The following IKZF4 variants were observed in gnomAD, a reference collection of about 807,000 sequenced individuals.
IKZF4 encodes the protein IKAROS family zinc finger 4, also known as zinc finger protein Eos.
A neutral mutation model predicts 47.7 loss-of-function variants in IKZF4; 11 were observed. The observed-to-expected ratio is 0.23, with a 90% CI of 0.15 to 0.38. The LOEUF is 0.38. Ranked by LOEUF, IKZF4 falls within the 10% of genes least tolerant of loss-of-function variation. The pLI is 1.00. For missense variants in IKZF4, 557 were observed against 784.9 expected (o/e 0.71, Z 3.47); for synonymous variants, 298 against 299.4 (o/e 1.00, Z 0.05).
At position 56,026,837 on chromosome 12, in the gene IKZF4, C is replaced by T; in HGVS notation, c.343C>T (p.Pro115Ser). 6.2e-7 allele frequency: 1 copy of T among 1,611,218 alleles called. No individual in the cohort carries two copies. Among genetic ancestry groups the T allele is most frequent in the Non-Finnish European group, 8.5e-7 (1 of 1,178,666 alleles). ...TGAGGAGTCAAGCAGACTGCTGGGG[C>T]CAGATGAGCGGCTCCTGGAAAAGGA... is the stretch of plus-strand genomic sequence containing the variant. Reference protein sequence around the residue: ...SDEESSRLLGPDERLLEKDDS... With the variant: ...SDEESSRLLGSDERLLEKDDS... Residue 115 changes from proline (P) to serine (S), a missense_variant, in exon 4 of 8, where the codon CCA becomes TCA. Coordinates refer to ENST00000547167, the MANE Select transcript of IKZF4 (RefSeq NM_022465.4).
chr12:56,020,089 G>C (rs932987704), upstream of IKZF4, among the ~76,000 whole-genome samples: 4 of 152,274 alleles, frequency 2.6e-5, no homozygotes, highest in African/African-American at 9.6e-5. Context: ...AAAGGCTGCA[G>C]CATGCAGCCC....
intron 1 of IKZF4, chr12:56,007,808 G>C (rs1890881585): frequency 6.6e-6 from 1 of 152,028 alleles, no homozygotes; most frequent in South Asian, 2.1e-4. Context: ...GGCCTGAGGG[G>C]CTCTGGCGTG....
intron 3 of IKZF4, among the ~76,000 whole-genome samples, chr12:56,026,142 GCCAGGC>G (rs1893945401): frequency 6.6e-6 from 1 of 152,008 alleles, no homozygotes; most frequent in Non-Finnish European, 1.5e-5. Flanking sequence ...CACCATGTTG[GCCAGGC>G]TGGTCTCAAA....
intron 1 of IKZF4, 60 bp downstream of exon 1, chr12:56,021,640 C>T: frequency 6.5e-7 from 1 of 1,549,896 alleles, no homozygotes; most frequent in Non-Finnish European, 8.7e-7. Context: ...GGCTAGGGAG[C>T]CAATTCAGTA....
chr12:56,011,069 A>G (rs970237668), intron 1 of IKZF4: 2 of 152,184 alleles, frequency 1.3e-5, no homozygotes, highest in Non-Finnish European at 2.9e-5. Context: ...ACTTCCCTGT[A>G]ATTTCAAACT....
chr12:56,029,202 G>A (rs1425179870), intron 5 of IKZF4, among the ~76,000 whole-genome samples: 1 of 152,226 alleles, frequency 6.6e-6, no homozygotes, highest in African/African-American at 2.4e-5. Flanking sequence ...AGAGGCAAGA[G>A]AAAGTCCAGA....
intron 1 of IKZF4, among the ~76,000 whole-genome samples, chr12:56,023,375 G>T (rs929613235): frequency 6.6e-6 from 1 of 152,188 alleles, no homozygotes. Context: ...TAGTTGAAAG[G>T]ATATATTTAA....
rs776962657 is a variant in IKZF4 at position 56,024,985 on chromosome 12, A to G, written c.182-69A>G. 3 of 1,550,054 alleles carry G rather than the reference A, an allele frequency of 1.9e-6. No individual in the cohort carries two copies. In the South Asian group the frequency reaches 3.6e-5, roughly 18 times the overall value. ...GTGAAATTTAACTGAATTTTTTTAAAAGATTAGGCAATGGACAGTAGATAT... is the reference window on the plus strand; with the variant it reads ...GTGAAATTTAACTGAATTTTTTTAAGAGATTAGGCAATGGACAGTAGATAT... On this transcript the variant is annotated intron_variant, in intron 2 of 7. Coordinates refer to ENST00000547167, the MANE Select transcript of IKZF4 (RefSeq NM_022465.4).
At chr12:56,033,599 C>T (rs1486598668) in intron 7 of IKZF4, among the ~76,000 whole-genome samples, 8 of 151,936 alleles carry the variant, frequency 5.3e-5, no homozygotes, top group Admixed American at 3.9e-4. Flanking sequence ...CCCAGCTACT[C>T]GGGAGGCTGA....
chr12:56,015,133 A>G (rs867657537), intron 2 of IKZF4, among the ~76,000 whole-genome samples: 13 of 151,858 alleles, frequency 8.6e-5, no homozygotes, highest in South Asian at 2.1e-4. Flanking sequence ...CTGGAGTGCA[A>G]TGGCACGATC....
At chr12:56,023,556 C>T in intron 1 of IKZF4, 115 bp from the exon 2 acceptor site, 2 of 1,253,902 alleles carry the variant, frequency 1.6e-6, no homozygotes, top group South Asian at 3.1e-5. Flanking sequence ...AGATAGTGAA[C>T]ATTTTTCCTC....
intron 3 of IKZF4, 130 bp downstream of exon 3, chr12:56,025,288 C>A: frequency 9.7e-7 from 1 of 1,028,720 alleles, no homozygotes; most frequent in Non-Finnish European, 1.4e-6. Context: ...TCTCTAAGAG[C>A]AATGAGGAGC....
chr12:56,032,552 C>T lies in IKZF4; in HGVS notation c.716-9C>T. The T allele has an allele frequency of 6.2e-7, 1 of 1,608,638 alleles. No individual in the cohort carries two copies. Among genetic ancestry groups the T allele is most frequent in the South Asian group, 1.1e-5 (1 of 90,346 alleles). ...AGCTCTGATGCCATCTTTCCACTCT[C>T]CTCCACAGTCTCCTCTCCCACAGTG... On this transcript the variant is annotated splice_polypyrimidine_tract_variant and intron_variant, in intron 5 of 7. Transcript: ENST00000547167.
Position 56,021,088 on chromosome 12 carries a change from C to T in IKZF4, c.-406C>T, listed in dbSNP as rs1406093840. On this transcript the variant is annotated 5_prime_UTR_variant, in exon 1 of 8. Coordinates refer to ENST00000547167, the MANE Select transcript of IKZF4 (RefSeq NM_022465.4). ...CATTTGTTGTGCAGTTCCTCTTTGT[C>T]TGCTGGGCACGAGGGGCAACAGCAT... The T allele has an allele frequency of 2.3e-6, 3 of 1,294,090 alleles. No individual in the cohort carries two copies. In the South Asian group the frequency reaches 5.5e-5, roughly 24 times the overall value. 80.2% of individuals were successfully genotyped at this position (1,294,090 alleles called of 1,614,324 possible). A position where few individuals can be genotyped will look rare whatever the true frequency, so the allele number is the denominator to read the frequency against.
chr12:56,036,909 A>C lies in IKZF4; in HGVS notation c.*1578A>C, dbSNP rs1049832462. The C allele has an allele frequency of 2.0e-5, 3 of 150,030 alleles. No homozygotes were observed. Among genetic ancestry groups the C allele is most frequent in the African/African-American group, 7.3e-5 (3 of 40,902 alleles). 9.3% of individuals were successfully genotyped at this position (150,030 alleles called of 1,614,324 possible). ...AAAGGCTGTTTTTCTATGTTTAAAG[A>C]AAAAAAAAAGTAAAAACCAAACACA... On this transcript the variant is annotated 3_prime_UTR_variant, in exon 8 of 8. Coordinates refer to ENST00000547167, the MANE Select transcript of IKZF4 (RefSeq NM_022465.4).
At position 56,021,638 on chromosome 12, in the gene IKZF4, A is replaced by T. The variant is rs1428630360; in HGVS notation, c.87+58A>T. On this transcript the variant is annotated intron_variant, in intron 1 of 7. Coordinates refer to ENST00000547167, the MANE Select transcript of IKZF4 (RefSeq NM_022465.4). Reference sequence around the variant, plus strand: ...AGGAAGGGGGGTGCTGGGGCTAGGGAGCCAATTCAGTAACTACTCCCAAGC... The same window carrying T: ...AGGAAGGGGGGTGCTGGGGCTAGGGTGCCAATTCAGTAACTACTCCCAAGC... 1.9e-6 allele frequency: 3 copies of T among 1,554,950 alleles called. No homozygotes were observed. The African/African-American group carries it at 4.1e-5, about 21-fold the overall frequency.
At chr12:56,022,447 T>G (rs1383283859) in intron 1 of IKZF4, among the ~76,000 whole-genome samples, 3 of 152,180 alleles carry the variant, frequency 2.0e-5, no homozygotes, top group African/African-American at 7.2e-5. Flanking sequence ...GCTTTGACAG[T>G]CTGGGATTTC....
chr12:56,016,071 G>A (rs1400339466), upstream of IKZF4, among the ~76,000 whole-genome samples: 2 of 147,162 alleles, frequency 1.4e-5, no homozygotes, highest in East Asian at 4.2e-4. Flanking sequence ...AAATGTAAGA[G>A]AGAATTGCTT....
chr12:56,010,838 C>A (rs1179754425), intron 1 of IKZF4, among the ~76,000 whole-genome samples: 2 of 152,134 alleles, frequency 1.3e-5, no homozygotes, highest in Non-Finnish European at 2.9e-5. Context: ...TACCCCTGCC[C>A]TAGACCCTCC....
Sources: gnomAD v4.1 joint callset for allele counts (sites outside exome capture counted in the v4.1 genomes callset) on GRCh38, gnomAD v4.1.1 for gene constraint, MANE v1.5 for transcripts, NCBI Gene and HGNC (gene_info 2026-07-23, HGNC 2026-07-21) for gene names.